CACNA1C: variants seen among roughly 807,000 people sequenced by gnomAD.
The protein encoded by CACNA1C is calcium voltage-gated channel subunit alpha1 C.
CACNA1C carries 30 observed loss-of-function variants against 229.0 expected under a neutral mutation model. That is an observed-to-expected ratio of 0.13 (90% CI 0.10 to 0.18). The LOEUF (loss-of-function observed/expected upper bound fraction) is 0.18, where lower values mean the gene tolerates loss of function less well. Among genes scored for constraint, CACNA1C ranks in the 10% least tolerant of loss-of-function variants. The probability of loss-of-function intolerance (pLI) is 1.00; values close to 1 mark genes in which losing one functional copy is unlikely to be tolerated. For missense variants in CACNA1C, 1,658 were observed against 2,845.0 expected, an observed-to-expected ratio of 0.58 and a Z score of 9.49; for synonymous variants, 1,114 against 1,132.5, an observed-to-expected ratio of 0.98 and a Z score of 0.33.
chr12:2,143,710 C>A (rs373679560), intron 3 of CACNA1C, among the ~76,000 whole-genome samples: 1 of 151,098 alleles, frequency 6.6e-6, no homozygotes, highest in African/African-American at 2.4e-5. Context: ...AGAATGTATC[C>A]CTGTCATCAG....
chr12:2,419,675 A>G (rs943388021), intron 3 of CACNA1C, among the ~76,000 whole-genome samples: 11 of 152,214 alleles, frequency 7.2e-5, no homozygotes, highest in African/African-American at 2.7e-4. Context: ...TGGGGGTTCA[A>G]AGAATAGTCC....
intron 3 of CACNA1C, among the ~76,000 whole-genome samples, chr12:2,398,944 C>G (rs1190101796): frequency 5.9e-5 from 9 of 152,176 alleles, no homozygotes; most frequent in Non-Finnish European, 1.2e-4. Flanking sequence ...CCTCAGTGCC[C>G]TGGCAACTGT....
At chr12:2,019,452 C>A (rs1475431782) in intron 1 of CACNA1C, among the ~76,000 whole-genome samples, 1 of 134,400 alleles carries the variant, frequency 7.4e-6, no homozygotes, top group Non-Finnish European at 1.6e-5. Context: ...AAAGCAAGAC[C>A]CTGTATCTAA....
intron 1 of CACNA1C, among the ~76,000 whole-genome samples, chr12:2,105,317 G>A (rs12580311): frequency 1.3e-5 from 2 of 152,158 alleles, no homozygotes; most frequent in Non-Finnish European, 2.9e-5. Flanking sequence ...GGGAGTACTC[G>A]TCAGTTGGGT....
intron 5 of CACNA1C, among the ~76,000 whole-genome samples, chr12:2,459,227 G>A (rs977937428): frequency 2.0e-5 from 3 of 146,774 alleles, no homozygotes; most frequent in African/African-American, 7.6e-5. Context: ...ATGTTAGCTA[G>A]GATGGTTTCA....
chr12:2,681,742 C>G (rs2097157308), intron 42 of CACNA1C, among the ~76,000 whole-genome samples: 1 of 152,196 alleles, frequency 6.6e-6, no homozygotes, highest in African/African-American at 2.4e-5. Context: ...GCCTGGGATG[C>G]TCAGAGCCAG....
intron 45 of CACNA1C, among the ~76,000 whole-genome samples, chr12:2,686,707 C>T (rs1354856480): frequency 6.6e-6 from 1 of 152,178 alleles, no homozygotes; most frequent in Non-Finnish European, 1.5e-5. Context: ...GATTAAAGAA[C>T]CCACCAGCAA....
At chr12:2,191,399 G>C (rs1279771653) in intron 3 of CACNA1C, among the ~76,000 whole-genome samples, 2 of 152,116 alleles carry the variant, frequency 1.3e-5, no homozygotes, top group African/African-American at 4.8e-5. Context: ...CTGGGGACTG[G>C]CCCTCTGCAG....
At chr12:2,657,997 A>AACAC (rs111747868) in intron 34 of CACNA1C, among the ~76,000 whole-genome samples, 59 of 151,344 alleles carry the variant, frequency 3.9e-4, no homozygotes, top group African/African-American at 5.8e-4. Context: ...GTATAAGGAG[A>AACAC]ACACACACAC....
intron 1 of CACNA1C, among the ~76,000 whole-genome samples, chr12:2,071,975 C>G (rs546639509): frequency 2.0e-5 from 3 of 152,106 alleles, no homozygotes; most frequent in Non-Finnish European, 4.4e-5. Flanking sequence ...TAATACTTTA[C>G]TACCATCACA....
chr12:2,127,400 GC>G (rs2090530403), intron 3 of CACNA1C, among the ~76,000 whole-genome samples: 1 of 152,100 alleles, frequency 6.6e-6, no homozygotes, highest in South Asian at 2.1e-4. Context: ...TTTTTATAGG[GC>G]TTTCATGCAT....
In CACNA1C at chr12:2,679,370, G is replaced by C. The variant is rs2097006261; in HGVS notation, c.5092-74G>C. ...CCCAGGCCCTGCACTTCCCTGACCTGGCTGTGGAGGCTGCTCTCTGGGAGG... is the reference window on the plus strand; with the variant it reads ...CCCAGGCCCTGCACTTCCCTGACCTCGCTGTGGAGGCTGCTCTCTGGGAGG... On this transcript the variant is annotated intron_variant, in intron 41 of 46. Transcript: ENST00000399655. The surrounding 1 kb of genome is among the most constrained non-coding windows in gnomAD (Gnocchi z 5.5). 1.8e-6 allele frequency: 2 copies of C among 1,139,166 alleles called. No homozygotes were observed. The highest frequency in any genetic ancestry group is 2.7e-5 in the Admixed American group (1 of 37,198). The allele number at this position is 1,139,166 out of a possible 1,614,324, so 70.6% of individuals were successfully genotyped here. A position where few individuals can be genotyped will look rare whatever the true frequency, so the allele number is the denominator to read the frequency against.
intron 18 of CACNA1C, among the ~76,000 whole-genome samples, chr12:2,590,813 C>A (rs1220447757): frequency 6.6e-6 from 1 of 152,166 alleles, no homozygotes; most frequent in African/African-American, 2.4e-5. Context: ...TACCTGTTAT[C>A]AAATTATCAT....
At chr12:2,145,924 C>A (rs905245959) in intron 3 of CACNA1C, among the ~76,000 whole-genome samples, 4 of 151,328 alleles carry the variant, frequency 2.6e-5, no homozygotes, top group African/African-American at 7.2e-5. Flanking sequence ...CTTAACCCTC[C>A]TGAGCCTCAG....
chr12:2,106,528 T>A (rs2078729796), intron 1 of CACNA1C, among the ~76,000 whole-genome samples: 1 of 110,346 alleles, frequency 9.1e-6, no homozygotes, highest in Non-Finnish European at 1.9e-5. Context: ...CTGAAGCCAC[T>A]GGGCGCCCAC....
intron 3 of CACNA1C, among the ~76,000 whole-genome samples, chr12:2,163,539 C>T (rs1383616069): frequency 6.6e-6 from 1 of 152,152 alleles, no homozygotes; most frequent in Non-Finnish European, 1.5e-5. Context: ...TGGGTACATC[C>T]TGGGTACACT....
chr12:2,443,801 G>A (rs1183374764), intron 3 of CACNA1C, among the ~76,000 whole-genome samples: 1 of 152,200 alleles, frequency 6.6e-6, no homozygotes, highest in Non-Finnish European at 1.5e-5. Context: ...CTCGCCCTTA[G>A]ATGTTTCTAT....
At chr12:2,204,585 C>T (rs952689195) in intron 3 of CACNA1C, among the ~76,000 whole-genome samples, 2 of 151,464 alleles carry the variant, frequency 1.3e-5, no homozygotes, top group Non-Finnish European at 2.9e-5. Context: ...AAATGTGGCA[C>T]ATATACATCA....
chr12:2,644,188 G>A (rs564364521), intron 30 of CACNA1C, among the ~76,000 whole-genome samples: 43 of 152,336 alleles, frequency 2.8e-4, no homozygotes, highest in African/African-American at 8.9e-4. Flanking sequence ...TGACACTGAG[G>A]TCATAGCATT....
Sources: gnomAD v4.1 joint callset for allele counts (sites outside exome capture counted in the v4.1 genomes callset) on GRCh38, gnomAD v4.1.1 for gene constraint, Gnocchi (gnomAD v3.1) non-coding constraint, MANE v1.5 for transcripts, NCBI Gene and HGNC (gene_info 2026-07-23, HGNC 2026-07-21) for gene names.